The following SLCO1B1 variants were observed in gnomAD, a reference collection of about 807,000 sequenced individuals.
The protein encoded by SLCO1B1 is solute carrier organic anion transporter family member 1B1, also known as OATP-2.
SLCO1B1 carries 81 observed loss-of-function variants against 70.1 expected under a neutral mutation model. The ratio of observed to expected loss-of-function variants is 1.16; its 90% confidence interval spans 0.97 to 1.39. The LOEUF is 1.39. SLCO1B1 is among the 40% of genes most tolerant of loss of function. SLCO1B1 has a pLI of 0.00. For missense variants in SLCO1B1, 895 were observed against 799.6 expected, an observed-to-expected ratio of 1.12 and a Z score of -1.44; for synonymous variants, 283 against 271.5, an observed-to-expected ratio of 1.04 and a Z score of -0.42.
chr12:21,210,002 T>C (rs1431116628), intron 11 of SLCO1B1, among the ~76,000 whole-genome samples: 1 of 151,690 alleles, frequency 6.6e-6, no homozygotes, highest in South Asian at 2.1e-4. Context: ...TCTCCCATTT[T>C]GTAGGTTGCC....
At chr12:21,206,996 C>T (rs2121157507) in intron 11 of SLCO1B1, among the ~76,000 whole-genome samples, 1 of 152,006 alleles carries the variant, frequency 6.6e-6, no homozygotes, top group African/African-American at 2.4e-5. Flanking sequence ...TGAAGAAAGG[C>T]CACAACTTTA....
At chr12:21,143,325 A>T (rs1429321948) in intron 2 of SLCO1B1, among the ~76,000 whole-genome samples, 1 of 152,220 alleles carries the variant, frequency 6.6e-6, no homozygotes, top group Middle Eastern at 3.4e-3. Flanking sequence ...ATTACATTTT[A>T]TCATCTAATT....
Position 21,213,471 on chromosome 12 carries a change from G to A in SLCO1B1, c.1498-3648G>A, listed in dbSNP as rs1191719303. On this transcript the variant is annotated intron_variant, in intron 11 of 14. Transcript: ENST00000256958. ...ATGGGCTTCCCTTTGAGGGTAACCCGACCTTTCTCTCTGGCTGCCCTTAAC... is the reference window on the plus strand; with the variant it reads ...ATGGGCTTCCCTTTGAGGGTAACCCAACCTTTCTCTCTGGCTGCCCTTAAC... Among the ~76,000 whole-genome samples the A allele has an allele frequency of 6.0e-5, 9 of 149,336 alleles. No individual in the cohort carries two copies. The South Asian group carries it at 8.5e-4, about 14-fold the overall frequency.
At position 21,179,213 on chromosome 12, in the gene SLCO1B1, T is replaced by A. The variant is rs138232245; in HGVS notation, c.727+193T>A. ...CCAGCTCCTATTTATACTATCTTTA[T>A]AACTAAGTGTAAAATGAGAGAATGT... On this transcript the variant is annotated intron_variant, in intron 7 of 14. Transcript: ENST00000256958. 2.7e-3 allele frequency among the ~76,000 whole-genome samples: 404 copies of A among 152,318 alleles called. 1 individual carries two copies. Among genetic ancestry groups the A allele is most frequent in the African/African-American group, 8.9e-3 (371 of 41,572 alleles).
At chr12:21,186,627 T>A (rs1940965046) in intron 7 of SLCO1B1, among the ~76,000 whole-genome samples, 1 of 151,968 alleles carries the variant, frequency 6.6e-6, no homozygotes, top group African/African-American at 2.4e-5. Flanking sequence ...TGCCCATTGT[T>A]TCAATACAAA....
intron 14 of SLCO1B1, among the ~76,000 whole-genome samples, chr12:21,229,082 T>C (rs1941507814): frequency 1.3e-5 from 2 of 151,922 alleles, no homozygotes; most frequent in Non-Finnish European, 2.9e-5. Flanking sequence ...TTAAATAAAC[T>C]CAATTTTAGA....
At chr12:21,138,793 A>T (rs1940266431) in intron 1 of SLCO1B1, among the ~76,000 whole-genome samples, 1 of 152,132 alleles carries the variant, frequency 6.6e-6, no homozygotes, top group East Asian at 1.9e-4. Context: ...GACATTCAGG[A>T]TTGAAAGAAA....
chr12:21,229,632 G>A (rs1941513863), intron 14 of SLCO1B1, among the ~76,000 whole-genome samples: 1 of 152,056 alleles, frequency 6.6e-6, no homozygotes, highest in Non-Finnish European at 1.5e-5. Context: ...CCTACTGAGG[G>A]CATCTTGATG....
intron 2 of SLCO1B1, among the ~76,000 whole-genome samples, chr12:21,148,549 T>G (rs1453441087): frequency 6.6e-6 from 1 of 152,174 alleles, no homozygotes; most frequent in East Asian, 1.9e-4. Context: ...CTGAGGTCTC[T>G]GTTCTGTTCC....
chr12:21,148,511 G>A lies in SLCO1B1; in HGVS notation c.84+6853G>A, dbSNP rs377095371. Among the ~76,000 whole-genome samples, 416 of 152,018 alleles carry A rather than the reference G, an allele frequency of 2.7e-3. 2 individuals are homozygous for A. Among genetic ancestry groups the A allele is most frequent in the African/African-American group, 9.1e-3 (377 of 41,464 alleles). ...TTTTTGGTCAGACTTGTCAAAGATC[G>A]GATGGTTGTAGATATGTGGCATTAT... On this transcript the variant is annotated intron_variant, in intron 2 of 14. Transcript: ENST00000256958.
chr12:21,173,076 C>T (rs1940775530), intron 3 of SLCO1B1, among the ~76,000 whole-genome samples: 1 of 152,126 alleles, frequency 6.6e-6, no homozygotes, highest in African/African-American at 2.4e-5. Context: ...TGATTCTACA[C>T]AAATTCATTT....
At position 21,226,284 on chromosome 12, in the gene SLCO1B1, C is replaced by G. The variant is rs569900300; in HGVS notation, c.1865+1445C>G. Among the ~76,000 whole-genome samples the G allele has an allele frequency of 3.6e-3, 541 of 151,736 alleles. 2 individuals carry two copies. Among genetic ancestry groups the G allele is most frequent in the Non-Finnish European group, 6.3e-3 (427 of 67,938 alleles). ...CAAAAATTAGCCAGTCACGGTGGTG[C>G]ACATCTGTAATTTCAGCTACTTGGG... On this transcript the variant is annotated intron_variant, in intron 14 of 14. Transcript: ENST00000256958.
At chr12:21,232,643 A>G (rs1344879289) in intron 14 of SLCO1B1, among the ~76,000 whole-genome samples, 3 of 152,132 alleles carry the variant, frequency 2.0e-5, no homozygotes, top group African/African-American at 7.2e-5. Flanking sequence ...CTAAAGCCTA[A>G]GACTAGTCTC....
At chr12:21,148,307 G>A (rs907708307) in intron 2 of SLCO1B1, among the ~76,000 whole-genome samples, 15 of 152,142 alleles carry the variant, frequency 9.9e-5, no homozygotes, top group Non-Finnish European at 1.5e-4. Context: ...GAATGGTATT[G>A]CCTAGGTTTT....
At chr12:21,166,951 G>C (rs1203350464) in intron 2 of SLCO1B1, among the ~76,000 whole-genome samples, 1 of 152,056 alleles carries the variant, frequency 6.6e-6, no homozygotes, top group African/African-American at 2.4e-5. Flanking sequence ...AATAGAATAA[G>C]AATATTTTTA....
chr12:21,151,300 G>C (rs1205331993), intron 2 of SLCO1B1, among the ~76,000 whole-genome samples: 2 of 152,156 alleles, frequency 1.3e-5, no homozygotes, highest in African/African-American at 2.4e-5. Flanking sequence ...ACTGTAGTTA[G>C]ATTAGTATCT....
chr12:21,217,185 G>C lies in SLCO1B1; in HGVS notation c.1564G>C (p.Gly522Arg), dbSNP rs112909948. The C allele has an allele frequency of 2.5e-6, 4 of 1,613,516 alleles. No homozygotes were observed. The highest frequency in any genetic ancestry group is 3.4e-6 in the Non-Finnish European group (4 of 1,179,702). The change falls in exon 12 of 15, where the codon GGT (glycine) becomes CGT (arginine). Residue 522 changes from glycine (G) to arginine (R), a missense_variant. Transcript: ENST00000256958. ...GAACAGAAATTACTCAGCCCATTTG[G>C]GTGAATGCCCAAGAGATGATGCTTG... ...LQNRNYSAHL[G>R]ECPRDDACTR...
At chr12:21,185,109 A>C (rs1032825943) in intron 7 of SLCO1B1, among the ~76,000 whole-genome samples, 1 of 152,148 alleles carries the variant, frequency 6.6e-6, no homozygotes, top group Non-Finnish European at 1.5e-5. Context: ...CCAGATTTAC[A>C]AAAAAGATTC....
intron 2 of SLCO1B1, among the ~76,000 whole-genome samples, chr12:21,167,107 C>G (rs899275111): frequency 1.3e-5 from 2 of 152,174 alleles, no homozygotes; most frequent in South Asian, 2.1e-4. Flanking sequence ...TGCTTTACCA[C>G]AAAAGTTAAT....
Sources: gnomAD v4.1 joint callset for allele counts (sites outside exome capture counted in the v4.1 genomes callset) on GRCh38, gnomAD v4.1.1 for gene constraint, MANE v1.5 for transcripts, NCBI Gene and HGNC (gene_info 2026-07-23, HGNC 2026-07-21) for gene names.